CALN1: variants seen among roughly 807,000 people sequenced by gnomAD.
CALN1 encodes calcium-binding protein 8.
Under a neutral mutation model 30.6 loss-of-function variants are expected in CALN1, and 17 were observed. That is an observed-to-expected ratio of 0.56 (90% CI 0.38 to 0.83). CALN1 has a LOEUF of 0.83. CALN1 is among the 40% of genes least tolerant of loss of function. The pLI, the probability that CALN1 is intolerant of heterozygous loss-of-function variation, is 0.00. For missense variants in CALN1, 291 were observed against 354.9 expected (o/e 0.82, Z 1.45); for synonymous variants, 156 against 131.4 (o/e 1.19, Z -1.28).
At chr7:71,929,199 G>A (rs1795425210) in intron 5 of CALN1, among the ~76,000 whole-genome samples, 1 of 152,090 alleles carries the variant, frequency 6.6e-6, no homozygotes, top group African/African-American at 2.4e-5. Context: ...ACGTGCCATG[G>A]TGGTTTACCT....
At chr7:72,059,653 AC>A (rs11314577) in intron 4 of CALN1, among the ~76,000 whole-genome samples, 28,610 of 152,016 alleles carry the variant, frequency 0.19, 3,286 homozygotes, top group East Asian at 0.34. Context: ...ACAGCAAAAG[AC>A]TCATGACAGC....
chr7:72,481,748 C>T, the CALN1 span, among the ~76,000 whole-genome samples: 168 of 152,178 alleles, frequency 1.1e-3, 2 homozygotes, highest in South Asian at 2.1e-3. Flanking sequence ...TTGATTTCCA[C>T]GTATTTGGGA....
intron 3 of CALN1, among the ~76,000 whole-genome samples, chr7:72,192,031 A>G (rs1790646058): frequency 6.6e-6 from 1 of 152,130 alleles, no homozygotes; most frequent in Admixed American, 6.5e-5. Context: ...GAGCTTCCAG[A>G]GTGCACCTGA....
At chr7:71,890,794 G>A (rs1793198113) in intron 5 of CALN1, among the ~76,000 whole-genome samples, 1 of 134,436 alleles carries the variant, frequency 7.4e-6, no homozygotes, top group Non-Finnish European at 1.5e-5. Flanking sequence ...TGCCCAGACT[G>A]GAGTGCAGTG....
chr7:72,345,855 G>C (rs1802615906), intron 2 of CALN1, among the ~76,000 whole-genome samples: 1 of 152,126 alleles, frequency 6.6e-6, no homozygotes, highest in African/African-American at 2.4e-5. Flanking sequence ...AAATCTCTCT[G>C]AGAGAGAACA....
intron 4 of CALN1, among the ~76,000 whole-genome samples, chr7:72,072,543 T>C (rs1215567264): frequency 6.6e-6 from 1 of 152,174 alleles, no homozygotes; most frequent in East Asian, 1.9e-4. Flanking sequence ...TTAAGGACAC[T>C]AGACAGTAAC....
chr7:71,827,781 A>C (rs1393880643), intron 5 of CALN1, among the ~76,000 whole-genome samples: 2 of 147,714 alleles, frequency 1.4e-5, no homozygotes, highest in African/African-American at 2.5e-5. Flanking sequence ...TAAAAAAATA[A>C]ATAAATAAAT....
chr7:72,032,347 C>A (rs1562993940), intron 4 of CALN1, among the ~76,000 whole-genome samples: 1 of 152,234 alleles, frequency 6.6e-6, no homozygotes, highest in East Asian at 1.9e-4. Context: ...CGCCCAGCTA[C>A]TCCTGGCTAA....
chr7:72,015,433 C>CTTTTTTTT (rs60001547), intron 5 of CALN1, among the ~76,000 whole-genome samples: 1 of 136,144 alleles, frequency 7.3e-6, no homozygotes, highest in Admixed American at 7.3e-5. Flanking sequence ...TTCTTTCTTT[C>CTTTTTTTT]TTTTTTTTTT....
intron 3 of CALN1, among the ~76,000 whole-genome samples, chr7:72,134,193 G>A (rs1005365546): frequency 2.6e-5 from 4 of 152,198 alleles, no homozygotes; most frequent in Admixed American, 1.3e-4. Context: ...CGCCATCTTG[G>A]AAGGAGAGAA....
intron 3 of CALN1, among the ~76,000 whole-genome samples, chr7:72,192,143 T>C (rs982480926): frequency 2.0e-5 from 3 of 152,130 alleles, no homozygotes; most frequent in African/African-American, 7.2e-5. Flanking sequence ...TACAGCATTA[T>C]TTACATAAAC....
At chr7:71,908,305 T>G (rs1473168339) in intron 5 of CALN1, among the ~76,000 whole-genome samples, 1 of 152,018 alleles carries the variant, frequency 6.6e-6, no homozygotes, top group East Asian at 1.9e-4. Flanking sequence ...TATATAATTC[T>G]TTTTAAAATC....
chr7:71,812,482 T>C (rs553738844), intron 5 of CALN1, among the ~76,000 whole-genome samples: 2 of 152,290 alleles, frequency 1.3e-5, no homozygotes, highest in South Asian at 2.1e-4. Context: ...CAGGCAGATA[T>C]TGAATCCGAG....
intron 6 of CALN1, among the ~76,000 whole-genome samples, chr7:71,804,214 T>C (rs1037480632): frequency 6.6e-6 from 1 of 152,140 alleles, no homozygotes; most frequent in African/African-American, 2.4e-5. Flanking sequence ...AATAGAATCA[T>C]TGCTATAACA....
rs76076393 is a variant in CALN1, at chr7:72,446,527, G to C, written c.-226+515C>G. Among the ~76,000 whole-genome samples the C allele has an allele frequency of 1.0e-2, 1,516 of 152,216 alleles. 20 individuals are homozygous for C. Among genetic ancestry groups the C allele is most frequent in the African/African-American group, 0.035 (1,454 of 41,528 alleles). The stretch of plus-strand genomic sequence containing the variant: ...GGAGAATGAGGGCAGGGGCGGGGAG[G>C]GGGGACAGGTGTCGGCAAGATGTTC... On this transcript the variant is annotated intron_variant, in intron 1 of 6. Coordinates refer to the CALN1 transcript ENST00000395276.
At chr7:71,972,736 T>A (rs186541107) in intron 5 of CALN1, among the ~76,000 whole-genome samples, 97 of 152,176 alleles carry the variant, frequency 6.4e-4, no homozygotes, top group African/African-American at 1.9e-3. Context: ...CATTCACACG[T>A]GTGCTTGGCA....
chr7:71,841,397 T>G (rs1322652062), intron 5 of CALN1, among the ~76,000 whole-genome samples: 1 of 152,204 alleles, frequency 6.6e-6, no homozygotes, highest in Non-Finnish European at 1.5e-5. Context: ...GATGGAATCA[T>G]CATGGGCCAA....
At chr7:72,168,802 ATTAT>A (rs910063532) in intron 3 of CALN1, among the ~76,000 whole-genome samples, 1 of 114,450 alleles carries the variant, frequency 8.7e-6, no homozygotes, top group African/African-American at 3.7e-5. Flanking sequence ...TATTATTATT[ATTAT>A]TTTTTTTTTT....
At chr7:72,156,890 C>T (rs78409356) in intron 3 of CALN1, among the ~76,000 whole-genome samples, 1,710 of 152,272 alleles carry the variant, frequency 0.011, 14 homozygotes, top group Non-Finnish European at 0.018. Context: ...TCACAAAGCA[C>T]TTCATGCACT....
Sources: allele counts gnomAD v4.1 joint callset (sites outside exome capture counted in the v4.1 genomes callset), GRCh38; gene constraint gnomAD v4.1.1; transcripts MANE v1.5; gene names NCBI Gene and HGNC (gene_info 2026-07-23, HGNC 2026-07-21).